The following NTM variants were observed in gnomAD, a reference collection of about 807,000 sequenced individuals.
The protein encoded by NTM is IgLON family member 2.
NTM carries 13 observed loss-of-function variants against 42.1 expected under a neutral mutation model. That is an observed-to-expected ratio of 0.31 (90% CI 0.20 to 0.49). The LOEUF is 0.49. Ranked by LOEUF, NTM falls within the 20% of genes least tolerant of loss-of-function variation. The pLI is 0.99. For synonymous variants in NTM, 187 were observed against 179.2 expected, an observed-to-expected ratio of 1.04 and a Z score of -0.35; for missense variants, 373 against 452.8, an observed-to-expected ratio of 0.82 and a Z score of 1.60.
intron 1 of NTM, among the ~76,000 whole-genome samples, chr11:131,721,231 A>G (rs2078290832): frequency 6.6e-6 from 1 of 152,228 alleles, no homozygotes; most frequent in Admixed American, 6.5e-5. Context: ...GGAGACTGCA[A>G]GATTTCTCTT....
chr11:131,851,811 A>G (rs910454309), intron 1 of NTM, among the ~76,000 whole-genome samples: 1 of 152,212 alleles, frequency 6.6e-6, no homozygotes, highest in South Asian at 2.1e-4. Flanking sequence ...CCCATAGATT[A>G]TCTAACACTT....
At chr11:132,118,640 G>A (rs966435764) in intron 2 of NTM, among the ~76,000 whole-genome samples, 3 of 152,198 alleles carry the variant, frequency 2.0e-5, no homozygotes, top group Admixed American at 1.3e-4. Flanking sequence ...CCACGGAAAG[G>A]GTACCAGAAA....
At chr11:131,407,081 A>C (rs1055042162) in intron 1 of NTM, among the ~76,000 whole-genome samples, 3 of 152,182 alleles carry the variant, frequency 2.0e-5, no homozygotes, top group Non-Finnish European at 4.4e-5. Flanking sequence ...GTCTCTAGCC[A>C]CAGGCACTGG....
At chr11:131,636,260 T>G (rs900953352) in intron 1 of NTM, among the ~76,000 whole-genome samples, 3 of 152,130 alleles carry the variant, frequency 2.0e-5, no homozygotes, top group Non-Finnish European at 2.9e-5. Context: ...AAGGTTAACC[T>G]CTCTACGGCT....
intron 4 of NTM, among the ~76,000 whole-genome samples, chr11:132,297,065 T>C (rs2094639342): frequency 6.6e-6 from 1 of 152,228 alleles, no homozygotes; most frequent in Admixed American, 6.5e-5. Flanking sequence ...GGCTTCCTGC[T>C]CTTCTGTAGA....
chr11:131,912,847 A>C (rs1452587198), intron 2 of NTM, among the ~76,000 whole-genome samples: 2 of 152,214 alleles, frequency 1.3e-5, no homozygotes, highest in Non-Finnish European at 2.9e-5. Flanking sequence ...TACTTAAGGC[A>C]ATATCTATAG....
chr11:132,223,422 G>A lies in NTM; in HGVS notation c.526+11275G>A, dbSNP rs374576248. Among the ~76,000 whole-genome samples the A allele has an allele frequency of 7.2e-5, 11 of 152,070 alleles. No individual in the cohort carries two copies. The South Asian group carries it at 1.0e-3, about 14-fold the overall frequency. On this transcript the variant is annotated intron_variant, in intron 4 of 8. Transcript: ENST00000683400. Reference sequence around the variant, plus strand: ...ATTAAGAAGATACCTCATAAAAGGCGGACTGACATTTGCATAGCTCGGCAG... The same window carrying A: ...ATTAAGAAGATACCTCATAAAAGGCAGACTGACATTTGCATAGCTCGGCAG...
intron 1 of NTM, among the ~76,000 whole-genome samples, chr11:131,586,732 T>G (rs1420836286): frequency 6.6e-6 from 1 of 152,098 alleles, no homozygotes; most frequent in African/African-American, 2.4e-5. Context: ...ATACAATGGG[T>G]TTTCTATAAG....
At chr11:131,447,358 C>A (rs74907023) in intron 1 of NTM, among the ~76,000 whole-genome samples, 1,928 of 152,188 alleles carry the variant, frequency 0.013, 50 homozygotes, top group African/African-American at 0.045. Context: ...AATAAAGAGA[C>A]CCCCCTTCCC....
intron 3 of NTM, among the ~76,000 whole-genome samples, chr11:132,203,438 C>T (rs915717750): frequency 1.4e-4 from 21 of 152,094 alleles, no homozygotes; most frequent in Non-Finnish European, 5.9e-5. Flanking sequence ...CTAATGATTG[C>T]CATGCACTTA....
intron 1 of NTM, among the ~76,000 whole-genome samples, chr11:131,864,102 G>GATC (rs747715112): frequency 2.2e-4 from 34 of 152,082 alleles, no homozygotes; most frequent in Non-Finnish European, 4.4e-4. Flanking sequence ...CAGGGAGTTA[G>GATC]ATCAGTCAAT....
At chr11:131,761,652 CA>C (rs1376918675) in intron 1 of NTM, among the ~76,000 whole-genome samples, 1 of 151,604 alleles carries the variant, frequency 6.6e-6, no homozygotes, top group African/African-American at 2.4e-5. Flanking sequence ...ACTAAAAACA[CA>C]AAAAAATTAG....
intron 1 of NTM, among the ~76,000 whole-genome samples, chr11:131,818,300 A>G (rs1480793976): frequency 6.6e-6 from 1 of 152,184 alleles, no homozygotes; most frequent in African/African-American, 2.4e-5. Flanking sequence ...GAAATAGGTA[A>G]AACATACTTA....
intron 1 of NTM, among the ~76,000 whole-genome samples, chr11:131,805,072 C>A: frequency 6.6e-6 from 1 of 152,278 alleles, no homozygotes; most frequent in Non-Finnish European, 1.5e-5. Flanking sequence ...CACTCTCAGG[C>A]ATTTTGTTAA....
chr11:131,444,203 CAAAAAAAAA>C (rs71475757), intron 1 of NTM, among the ~76,000 whole-genome samples: 19 of 49,518 alleles, frequency 3.8e-4, no homozygotes, highest in Admixed American at 6.6e-4. Context: ...AGGTTAGAAC[CAAAAAAAAA>C]AAAAAAAAAA....
At chr11:131,386,908 T>C (rs1233356126) in intron 1 of NTM, among the ~76,000 whole-genome samples, 1 of 152,196 alleles carries the variant, frequency 6.6e-6, no homozygotes, top group East Asian at 1.9e-4. Context: ...CCCAAACATA[T>C]CCAGAGCTCA....
intron 1 of NTM, among the ~76,000 whole-genome samples, chr11:131,388,276 A>G (rs1164554308): frequency 6.6e-6 from 1 of 152,134 alleles, no homozygotes; most frequent in Non-Finnish European, 1.5e-5. Context: ...TCACTTATCT[A>G]TGTAAGTACA....
intron 3 of NTM, among the ~76,000 whole-genome samples, chr11:132,168,052 G>A (rs1351783129): frequency 2.0e-5 from 3 of 152,296 alleles, no homozygotes; most frequent in African/African-American, 4.8e-5. Context: ...AGGAATCAGA[G>A]GACCCAGGTA....
intron 2 of NTM, among the ~76,000 whole-genome samples, chr11:132,024,528 G>C (rs1328114629): frequency 6.6e-6 from 1 of 152,030 alleles, no homozygotes; most frequent in South Asian, 2.1e-4. Flanking sequence ...GGATTTTTTT[G>C]TTGGTTTTGT....
Sources: gnomAD v4.1 joint callset for allele counts (sites outside exome capture counted in the v4.1 genomes callset) on GRCh38, gnomAD v4.1.1 for gene constraint, MANE v1.5 for transcripts, NCBI Gene and HGNC (gene_info 2026-07-23, HGNC 2026-07-21) for gene names.